The following CYP26B1 variants were observed in gnomAD, a reference collection of about 807,000 sequenced individuals.
CYP26B1 encodes the protein cytochrome P450 family 26 subfamily B member 1.
A neutral mutation model predicts 39.1 loss-of-function variants in CYP26B1; 8 were observed. That is an observed-to-expected ratio of 0.20 (90% CI 0.12 to 0.37). CYP26B1 has a LOEUF of 0.37. Among genes scored for constraint, CYP26B1 ranks in the 10% least tolerant of loss-of-function variants. CYP26B1 has a pLI of 1.00. For synonymous variants in CYP26B1, 321 were observed against 314.3 expected (o/e 1.02, Z -0.23); for missense variants, 615 against 707.0 (o/e 0.87, Z 1.48).
intron 5 of CYP26B1, 32 bp from the exon 6 acceptor site, chr2:72,132,651 G>A (rs775802180): frequency 6.4e-7 from 1 of 1,569,948 alleles, no homozygotes; most frequent in Non-Finnish European, 8.6e-7. Context: ...GGAGTGGGTG[G>A]TGAGAGCCAG....
intron 2 of CYP26B1, 50 bp from the exon 3 acceptor site, chr2:72,135,469 T>G (rs1165923601): frequency 6.3e-7 from 1 of 1,599,012 alleles, no homozygotes; most frequent in Admixed American, 1.7e-5. Context: ...AGCCCACCCC[T>G]GGCCAGCCCC....
intron 4 of CYP26B1, among the ~76,000 whole-genome samples, chr2:72,134,034 G>A (rs184598312): frequency 6.6e-6 from 1 of 152,188 alleles, no homozygotes; most frequent in Non-Finnish European, 1.5e-5. Flanking sequence ...GTCCATTACT[G>A]GCCATGGCAA....
chr2:72,144,084 G>C lies in CYP26B1; in HGVS notation c.334C>G (p.Leu112Val). The change falls in exon 2 of 6, where the codon CTC becomes GTC. Residue 112 changes from leucine to valine, a missense_variant. By Grantham distance (32) the Leu-to-Val change is conservative (BLOSUM62 1). Transcript: ENST00000001146. ...CTGCGAGGCCACTCGGTGCTCACGA[G>C]GTGGTGCTCGCCCATGAGGATCTTG... ...VRKILMGEHH[L>V]VSTEWPRSTR... The C allele has an allele frequency of 6.2e-7, 1 of 1,613,622 alleles. No homozygotes were observed. Among genetic ancestry groups the C allele is most frequent in the Non-Finnish European group, 8.5e-7 (1 of 1,179,728 alleles).
rs991933156 is a variant in CYP26B1, at chr2:72,129,810, C to G, written c.*2417G>C. 1 of 151,324 alleles carries G rather than the reference C, an allele frequency of 6.6e-6. No homozygotes were observed. Among genetic ancestry groups the G allele is most frequent in the Non-Finnish European group, 1.5e-5 (1 of 67,960 alleles). 9.4% of individuals were successfully genotyped at this position (151,324 alleles called of 1,614,324 possible). ...TAGGGATGATAAGTAAGAAACATCA[C>G]CCATCTAATGCTAGCTGTATGAAAC... is the stretch of plus-strand genomic sequence containing the variant. On this transcript the variant is annotated 3_prime_UTR_variant, in exon 6 of 6. Coordinates refer to ENST00000001146, the MANE Select transcript of CYP26B1 (RefSeq NM_019885.4).
intron 5 of CYP26B1, 90 bp from the exon 6 acceptor site, chr2:72,132,709 G>A: frequency 6.6e-7 from 1 of 1,514,744 alleles, no homozygotes; most frequent in South Asian, 1.3e-5. Context: ...CTCAGCCCCA[G>A]ATGTTCAAGA....
intron 2 of CYP26B1, among the ~76,000 whole-genome samples, chr2:72,143,372 G>C (rs181935540): frequency 1.5e-5 from 2 of 133,194 alleles, no homozygotes; most frequent in African/African-American, 3.7e-5. Context: ...TTCCTCTTTC[G>C]GGGGGGGGTG....
chr2:72,132,240 C>G lies in CYP26B1; in HGVS notation c.1526G>C (p.Ser509Thr), dbSNP rs1294240501. Residue 509 changes from serine (S) to threonine (T), a missense_variant, in exon 6 of 6, where the codon AGC (serine) becomes ACC (threonine). Ser to Thr is a moderately conservative substitution (Grantham distance 58). Coordinates refer to ENST00000001146, the MANE Select transcript of CYP26B1 (RefSeq NM_019885.4). ...GTGGGTCTTGGGTTAGACTGTGGCG[C>G]TCAGCATGGCCTCCGTCTCCGGCAG... The part of the protein sequence containing the change: ...EILPETEAML[S>T]ATV The G allele has an allele frequency of 6.2e-7, 1 of 1,602,006 alleles. No individual in the cohort carries two copies. The highest frequency in any genetic ancestry group is 1.7e-5 in the Admixed American group (1 of 58,136).
rs951314278 is a variant in CYP26B1 at position 72,147,626 on chromosome 2, C to G, written c.204+5G>C. On this transcript the variant is annotated splice_donor_5th_base_variant and intron_variant, in intron 1 of 5. Coordinates refer to ENST00000001146, the MANE Select transcript of CYP26B1 (RefSeq NM_019885.4). The surrounding 1 kb of genome is among the most constrained non-coding windows in gnomAD (Gnocchi z 6.1). ...CGGAGTGCAGCGGAGCGAGCGCGCC[C>G]TTACCTGCAGCAGCCAGTGGCCGGT... 1 of 1,607,700 alleles carries G rather than the reference C, an allele frequency of 6.2e-7. No individual in the cohort carries two copies. The highest frequency in any genetic ancestry group is 2.2e-5 in the East Asian group (1 of 44,486).
At chr2:72,137,205 A>AC (rs1253632478) in intron 2 of CYP26B1, among the ~76,000 whole-genome samples, 1 of 152,022 alleles carries the variant, frequency 6.6e-6, no homozygotes, top group Non-Finnish European at 1.5e-5. Context: ...GGCCACGCCC[A>AC]CCAGGCCCAG....
chr2:72,132,905 C>G, intron 5 of CYP26B1, 118 bp downstream of exon 5: 2 of 1,517,626 alleles, frequency 1.3e-6, no homozygotes, highest in Non-Finnish European at 1.8e-6. Flanking sequence ...TCCCTGAAAG[C>G]AAGCACTGTT....
chr2:72,133,248 T>G lies in CYP26B1; in HGVS notation c.921A>C (p.Ser307=), dbSNP rs1299715291. The change falls in exon 5 of 6, where the codon TCA becomes TCC. Residue 307 remains serine, a synonymous_variant. Coordinates refer to ENST00000001146, the MANE Select transcript of CYP26B1 (RefSeq NM_019885.4). ...GGTGCTTCAGCAGCTGCATGATGAGTGAGGTGCTGGCGCTGGCCGTGGTGG... is the reference window on the plus strand; with the variant it reads ...GGTGCTTCAGCAGCTGCATGATGAGGGAGGTGCTGGCGCTGGCCGTGGTGG... ...AYATTASAST[S]LIMQLLKHPT... is the part of the protein sequence containing the mutation. The G allele has an allele frequency of 6.2e-7, 1 of 1,611,730 alleles. No homozygotes were observed. Among genetic ancestry groups the G allele is most frequent in the East Asian group, 2.2e-5 (1 of 44,846 alleles).
Position 72,133,215 on chromosome 2 carries a change from C to T in CYP26B1, c.954G>A (p.Val318=). 1 of 1,612,368 alleles carries T rather than the reference C, an allele frequency of 6.2e-7. No individual in the cohort carries two copies. The highest frequency in any genetic ancestry group is 8.5e-7 in the Non-Finnish European group (1 of 1,179,698). Residue 318 remains valine (V), a synonymous_variant, in exon 5 of 6, where the codon GTG becomes GTA. Coordinates refer to ENST00000001146, the MANE Select transcript of CYP26B1 (RefSeq NM_019885.4). ...LIMQLLKHPT[V]LEKLRDELRA... ...GCAGCTCATCCCGCAGCTTCTCCAG[C>T]ACAGTGGGGTGCTTCAGCAGCTGCA...
In CYP26B1 at chr2:72,132,639, G is replaced by A. The variant is rs148355553; in HGVS notation, c.1147-20C>T. 1,430 of 1,582,016 alleles carry A rather than the reference G, an allele frequency of 9.0e-4. 9 individuals carry two copies. In the African/African-American group the frequency reaches 0.011, roughly 13 times the overall value. ...GAAACCCTGGAGCAAGATGGGGGCC[G>A]AGGAGTGGGTGGTGAGAGCCAGAGG... On this transcript the variant is annotated intron_variant, in intron 5 of 5. Coordinates refer to ENST00000001146, the MANE Select transcript of CYP26B1 (RefSeq NM_019885.4).
intron 2 of CYP26B1, 141 bp downstream of exon 2, chr2:72,143,848 T>G: frequency 9.4e-7 from 1 of 1,058,660 alleles, no homozygotes; most frequent in Admixed American, 2.0e-5. Flanking sequence ...CGAGGCCTTG[T>G]CGGCGGGGAA....
At chr2:72,136,031 G>A (rs1676762472) in intron 2 of CYP26B1, among the ~76,000 whole-genome samples, 1 of 152,162 alleles carries the variant, frequency 6.6e-6, no homozygotes, top group African/African-American at 2.4e-5. Context: ...CAGCCAGTGA[G>A]TCCTGTTTCC....
At chr2:72,144,352 G>T in intron 1 of CYP26B1, 139 bp from the exon 2 acceptor site, 1 of 1,449,960 alleles carries the variant, frequency 6.9e-7, no homozygotes, top group Non-Finnish European at 9.1e-7. Context: ...CGAGCACGCA[G>T]GTTTTATTTT....
chr2:72,131,113 G>T lies in CYP26B1; in HGVS notation c.*1114C>A, dbSNP rs1676559179. 2 of 152,656 alleles carry T rather than the reference G, an allele frequency of 1.3e-5. No individual in the cohort carries two copies. Among genetic ancestry groups the T allele is most frequent in the African/African-American group, 4.8e-5 (2 of 41,464 alleles). The allele number at this position is 152,656 out of a possible 1,614,324, so 9.5% of individuals were successfully genotyped here. On this transcript the variant is annotated 3_prime_UTR_variant, in exon 6 of 6. Transcript: ENST00000001146. ...GCCTGGAGTCAGGGCCAGTGCACTG[G>T]GGTGAACAGGGGCCAAACAGGAAAT...
chr2:72,136,078 GC>G (rs3835744), intron 2 of CYP26B1, among the ~76,000 whole-genome samples: 70,717 of 151,882 alleles, frequency 0.47, 17,464 homozygotes, highest in East Asian at 0.58. Context: ...TGGCTGCGCA[GC>G]CCCCCTTGCC....
rs531516393 is a variant in CYP26B1, at chr2:72,137,619, T to G, written c.430-2200A>C. Among the ~76,000 whole-genome samples the G allele has an allele frequency of 2.6e-5, 4 of 152,286 alleles. No homozygotes were observed. In the East Asian group the frequency reaches 7.7e-4, roughly 29 times the overall value. ...CCCACAGACAAGCCCTGCCCTGCCCTGCCCCGTGGGTTCCATTTCCTGCGC... is the reference window on the plus strand; with the variant it reads ...CCCACAGACAAGCCCTGCCCTGCCCGGCCCCGTGGGTTCCATTTCCTGCGC... On this transcript the variant is annotated intron_variant, in intron 2 of 5. Coordinates refer to ENST00000001146, the MANE Select transcript of CYP26B1 (RefSeq NM_019885.4).
Sources: allele counts gnomAD v4.1 joint callset (sites outside exome capture counted in the v4.1 genomes callset), GRCh38; gene constraint gnomAD v4.1.1; non-coding constraint Gnocchi (gnomAD v3.1); transcripts MANE v1.5; gene names NCBI Gene and HGNC (gene_info 2026-07-23, HGNC 2026-07-21).